Variants in PKP4 observed in about 807,000 individuals in gnomAD.
PKP4 encodes plakophilin 4.
PKP4 carries 90 observed loss-of-function variants against 145.1 expected under a neutral mutation model. The ratio of observed to expected loss-of-function variants is 0.62; its 90% CI spans 0.52 to 0.74. PKP4 has a LOEUF of 0.74. PKP4 is among the 30% of genes least tolerant of loss of function. The pLI is 0.00. For missense variants in PKP4, 1,340 were observed against 1,482.7 expected (o/e 0.90, Z 1.58); for synonymous variants, 563 against 577.2 (o/e 0.98, Z 0.35).
At chr2:158,529,988 A>AT (rs1389671357) in intron 1 of PKP4, among the ~76,000 whole-genome samples, 2 of 152,206 alleles carry the variant, frequency 1.3e-5, no homozygotes, top group Non-Finnish European at 2.9e-5. Flanking sequence ...CTATAGGTTG[A>AT]TGTATTTCAT....
At chr2:158,659,501 A>T (rs1392149769) in intron 12 of PKP4, 2 of 152,320 alleles carry the variant, frequency 1.3e-5, no homozygotes, top group African/African-American at 4.8e-5. Flanking sequence ...ACATTCTACC[A>T]GGAAGACAGA....
intron 1 of PKP4, among the ~76,000 whole-genome samples, chr2:158,529,730 C>A (rs2043344564): frequency 6.6e-6 from 1 of 152,180 alleles, no homozygotes; most frequent in African/African-American, 2.4e-5. Context: ...ACATTTCTTT[C>A]CCAATATGCT....
chr2:158,462,399 T>G (rs529961456), intron 1 of PKP4, among the ~76,000 whole-genome samples: 1 of 152,004 alleles, frequency 6.6e-6, no homozygotes, highest in Admixed American at 6.6e-5. Flanking sequence ...AACAAAAAAC[T>G]TTTCCAAGCT....
intron 11 of PKP4, among the ~76,000 whole-genome samples, chr2:158,655,671 T>C (rs1355179484): frequency 6.6e-6 from 1 of 152,240 alleles, no homozygotes; most frequent in Non-Finnish European, 1.5e-5. Context: ...TGCAGCTCTC[T>C]GCCATGCATT....
At chr2:158,567,302 G>A (rs887348610) in intron 2 of PKP4, among the ~76,000 whole-genome samples, 3 of 152,162 alleles carry the variant, frequency 2.0e-5, no homozygotes, top group South Asian at 2.1e-4. Flanking sequence ...AACAAATGAG[G>A]AAAAGCCTTG....
chr2:158,552,976 G>A (rs555779409), intron 2 of PKP4, among the ~76,000 whole-genome samples: 17 of 152,258 alleles, frequency 1.1e-4, no homozygotes, highest in Middle Eastern at 6.8e-3. Context: ...GTAATGAAGC[G>A]AAGTGCAGTG....
chr2:158,623,042 C>T (rs753682591), intron 6 of PKP4, among the ~76,000 whole-genome samples: 1 of 152,198 alleles, frequency 6.6e-6, no homozygotes, highest in Non-Finnish European at 1.5e-5. Context: ...ACTTAATTTG[C>T]ATGTAGTCTA....
intron 9 of PKP4, among the ~76,000 whole-genome samples, chr2:158,640,026 G>A (rs1218043546): frequency 6.6e-6 from 1 of 152,210 alleles, no homozygotes; most frequent in Non-Finnish European, 1.5e-5. Context: ...TCACACATGT[G>A]TGCACATTTG....
intron 1 of PKP4, among the ~76,000 whole-genome samples, chr2:158,504,996 A>G (rs1443307798): frequency 6.6e-6 from 1 of 152,206 alleles, no homozygotes; most frequent in Non-Finnish European, 1.5e-5. Context: ...CTTCTTCCAA[A>G]GGAGAAAATG....
intron 1 of PKP4, among the ~76,000 whole-genome samples, chr2:158,529,860 G>A (rs1164754713): frequency 6.6e-6 from 1 of 152,112 alleles, no homozygotes; most frequent in African/African-American, 2.4e-5. Flanking sequence ...ATCTCCCTCT[G>A]CCAAATTCCA....
chr2:158,515,686 A>G (rs1270379472), intron 1 of PKP4, among the ~76,000 whole-genome samples: 1 of 152,246 alleles, frequency 6.6e-6, no homozygotes, highest in Non-Finnish European at 1.5e-5. Flanking sequence ...CATGAATGAT[A>G]ATAATTATCA....
chr2:158,603,565 A>T, intron 4 of PKP4, among the ~76,000 whole-genome samples: 1 of 152,016 alleles, frequency 6.6e-6, no homozygotes, highest in Non-Finnish European at 1.5e-5. Flanking sequence ...TAGTCTCTCT[A>T]TCTTTTCTTT....
chr2:158,661,554 C>CT, intron 13 of PKP4, 104 bp downstream of exon 13: 1 of 756,420 alleles, frequency 1.3e-6, no homozygotes, highest in Admixed American at 1.8e-5. Context: ...GGATCCTGTC[C>CT]TCCTCAGGAG....
At chr2:158,521,886 T>A (rs1336634722) in intron 1 of PKP4, among the ~76,000 whole-genome samples, 1 of 152,244 alleles carries the variant, frequency 6.6e-6, no homozygotes, top group Non-Finnish European at 1.5e-5. Context: ...TAATGCTTAT[T>A]TTCTACACTT....
intron 1 of PKP4, among the ~76,000 whole-genome samples, chr2:158,475,815 A>G (rs542364658): frequency 2.0e-5 from 3 of 152,346 alleles, no homozygotes; most frequent in African/African-American, 7.2e-5. Context: ...CACCTACCAG[A>G]TAAACTACAT....
chr2:158,512,971 A>C (rs960758735), intron 1 of PKP4, among the ~76,000 whole-genome samples: 3 of 152,242 alleles, frequency 2.0e-5, no homozygotes, highest in Non-Finnish European at 4.4e-5. Context: ...GTTTGCAAGA[A>C]GAGTTCATCT....
chr2:158,663,274 GGAT>G lies in PKP4; in HGVS notation c.2408_2410del (p.Asp803del). The G allele has an allele frequency of 6.2e-7, 1 of 1,611,970 alleles. No individual in the cohort carries two copies. On this transcript the variant is annotated inframe_deletion, in exon 15 of 22. Coordinates refer to ENST00000389759, the MANE Select transcript of PKP4 (RefSeq NM_003628.6). ...AACGTGTGCTGTTTGTCTTTCAGTGGGATGGAGTTGGTCCTATCCCAGGACTGT... is the reference window on the plus strand; with the variant it reads ...AACGTGTGCTGTTTGTCTTTCAGTGGGGAGTTGGTCCTATCCCAGGACTGT...
At chr2:158,527,331 G>T in intron 1 of PKP4, among the ~76,000 whole-genome samples, 1 of 143,586 alleles carries the variant, frequency 7.0e-6, no homozygotes, top group African/African-American at 2.6e-5. Context: ...AAATAACGCT[G>T]CATACCTACA....
chr2:158,475,998 G>T (rs1263702195), intron 1 of PKP4, among the ~76,000 whole-genome samples: 4 of 152,164 alleles, frequency 2.6e-5, no homozygotes, highest in Admixed American at 1.3e-4. Context: ...TTTTCAAATA[G>T]TTCTTGTCTC....
Sources: gnomAD v4.1 joint callset for allele counts (sites outside exome capture counted in the v4.1 genomes callset) on GRCh38, gnomAD v4.1.1 for gene constraint, MANE v1.5 for transcripts, NCBI Gene and HGNC (gene_info 2026-07-23, HGNC 2026-07-21) for gene names.